The following STAC variants were observed in gnomAD, a reference collection of about 807,000 sequenced individuals.
STAC encodes the protein SH3 and cysteine rich domain.
In STAC, 43 loss-of-function variants were observed where a neutral mutation model predicts 48.8. The ratio of observed to expected loss-of-function variants is 0.88; its 90% confidence interval spans 0.69 to 1.14. The LOEUF (loss-of-function observed/expected upper bound fraction) is 1.14. Among genes scored for constraint, STAC ranks in the 50% most tolerant of loss-of-function variants. The pLI, the probability that STAC is intolerant of heterozygous loss-of-function variation, is 0.00. For missense variants in STAC, 497 were observed against 504.0 expected (o/e 0.99, Z 0.13); for synonymous variants, 193 against 179.5 (o/e 1.07, Z -0.60).
intron 8 of STAC, among the ~76,000 whole-genome samples, chr3:36,507,346 C>T (rs999866654): frequency 2.6e-5 from 4 of 152,066 alleles, no homozygotes; most frequent in East Asian, 1.9e-4. Context: ...ATTTTCACAT[C>T]GATGTTCATC....
intron 2 of STAC, among the ~76,000 whole-genome samples, chr3:36,445,541 T>C (rs767823021): frequency 6.6e-6 from 1 of 152,138 alleles, no homozygotes; most frequent in Non-Finnish European, 1.5e-5. Context: ...AAGTAGGGGC[T>C]GGTGTATGCT....
intron 1 of STAC, among the ~76,000 whole-genome samples, chr3:36,401,017 G>C (rs903480122): frequency 1.3e-5 from 2 of 152,152 alleles, no homozygotes; most frequent in African/African-American, 2.4e-5. Flanking sequence ...TGTGGACTTG[G>C]TTAAAGAAGG....
At chr3:36,470,252 G>A (rs866489586) in intron 2 of STAC, among the ~76,000 whole-genome samples, 1 of 152,186 alleles carries the variant, frequency 6.6e-6, no homozygotes, top group Non-Finnish European at 1.5e-5. Context: ...TTTGTCCCAC[G>A]GGGTGCTCCC....
chr3:36,468,523 GCTGT>G (rs1415723279), intron 2 of STAC, among the ~76,000 whole-genome samples: 1 of 151,080 alleles, frequency 6.6e-6, no homozygotes, highest in Non-Finnish European at 1.5e-5. Flanking sequence ...TTATTGTGTT[GCTGT>G]CTATCTCATT....
At chr3:36,402,233 T>C (rs1013170774) in intron 1 of STAC, among the ~76,000 whole-genome samples, 1 of 151,922 alleles carries the variant, frequency 6.6e-6, no homozygotes, top group African/African-American at 2.4e-5. Context: ...ATAAGATAAT[T>C]AGAAAATGGT....
intron 1 of STAC, among the ~76,000 whole-genome samples, chr3:36,401,886 A>G (rs961853954): frequency 6.6e-6 from 1 of 152,286 alleles, no homozygotes. Flanking sequence ...GCAGAACAAG[A>G]GAAAGGGAAG....
intron 8 of STAC, among the ~76,000 whole-genome samples, chr3:36,506,679 T>G (rs1375914510): frequency 1.3e-5 from 2 of 152,114 alleles, no homozygotes; most frequent in South Asian, 4.1e-4. Flanking sequence ...TATTTTATTC[T>G]CTTTGTAGCA....
intron 1 of STAC, among the ~76,000 whole-genome samples, chr3:36,426,832 T>G (rs776275208): frequency 5.4e-5 from 8 of 147,036 alleles, no homozygotes; most frequent in African/African-American, 7.8e-5. Flanking sequence ...TCTTCTAACA[T>G]GGTTGGTTGG....
chr3:36,464,659 GC>G (rs1697114825), intron 2 of STAC, among the ~76,000 whole-genome samples: 1 of 152,162 alleles, frequency 6.6e-6, no homozygotes, highest in Admixed American at 6.5e-5. Flanking sequence ...TCAAAGCTTA[GC>G]TCCCACATAT....
At chr3:36,385,830 C>A (rs773802987) in intron 1 of STAC, among the ~76,000 whole-genome samples, 14 of 152,036 alleles carry the variant, frequency 9.2e-5, no homozygotes, top group Non-Finnish European at 1.9e-4. Flanking sequence ...CAATAGTTTT[C>A]ATTTTTATTA....
intron 6 of STAC, 121 bp downstream of exon 6, chr3:36,493,350 T>G (rs994824074): frequency 1.8e-5 from 15 of 843,528 alleles, no homozygotes; most frequent in Non-Finnish European, 2.3e-5. Flanking sequence ...TCAGGGCGAG[T>G]GTTCAATGTT....
At chr3:36,515,620 C>G (rs377362660) in intron 8 of STAC, among the ~76,000 whole-genome samples, 249 of 152,086 alleles carry the variant, frequency 1.6e-3, no homozygotes, top group African/African-American at 5.6e-3. Context: ...AGTCAGTTAC[C>G]CATTTGTCTG....
chr3:36,523,306 T>C (rs984028010), intron 8 of STAC, among the ~76,000 whole-genome samples: 1 of 152,230 alleles, frequency 6.6e-6, no homozygotes, highest in Admixed American at 6.5e-5. Flanking sequence ...CAAATTTTAC[T>C]GAGCAAACAA....
chr3:36,444,983 C>T (rs1296265698), intron 2 of STAC, among the ~76,000 whole-genome samples: 1 of 152,180 alleles, frequency 6.6e-6, no homozygotes, highest in African/African-American at 2.4e-5. Flanking sequence ...TGCCTGGCTT[C>T]TGAATCTGTG....
intron 2 of STAC, among the ~76,000 whole-genome samples, chr3:36,451,500 T>G (rs1430308351): frequency 1.3e-5 from 2 of 152,204 alleles, no homozygotes; most frequent in Non-Finnish European, 2.9e-5. Flanking sequence ...TATATACAAA[T>G]TTTATAACAA....
intron 2 of STAC, among the ~76,000 whole-genome samples, chr3:36,471,606 A>ACAGGTGT (rs1697336169): frequency 6.6e-6 from 1 of 152,204 alleles, no homozygotes; most frequent in Admixed American, 6.5e-5. Context: ...TTAGGTAAAT[A>ACAGGTGT]TAGCTGTTCC....
At chr3:36,485,627 T>TC (rs879440490) in intron 4 of STAC, 1 of 152,838 alleles carries the variant, frequency 6.5e-6, no homozygotes, top group African/African-American at 2.4e-5. Flanking sequence ...ATTATTTTTT[T>TC]TCTCTCTCTG....
chr3:36,413,960 C>T (rs565951296), intron 1 of STAC, among the ~76,000 whole-genome samples: 1 of 152,224 alleles, frequency 6.6e-6, no homozygotes, highest in South Asian at 2.1e-4. Context: ...ATATGAAATT[C>T]TGGGTTGAAA....
intron 8 of STAC, among the ~76,000 whole-genome samples, chr3:36,507,443 G>A (rs1024042527): frequency 5.3e-5 from 8 of 152,198 alleles, no homozygotes; most frequent in African/African-American, 1.9e-4. Flanking sequence ...AAATGAGTTA[G>A]GGAGGAGTCC....
Sources: allele counts gnomAD v4.1 joint callset (sites outside exome capture counted in the v4.1 genomes callset), GRCh38; gene constraint gnomAD v4.1.1; transcripts MANE v1.5; gene names NCBI Gene and HGNC (gene_info 2026-07-23, HGNC 2026-07-21).